Variants in MYH13 observed in about 807,000 individuals in gnomAD.
MYH13 encodes the protein myosin heavy chain 13, also known as myosin-13.
In MYH13, 177 loss-of-function variants were observed where a neutral mutation model predicts 232.1. That is an observed-to-expected ratio of 0.76 (90% CI 0.67 to 0.86). MYH13 has a LOEUF of 0.86. MYH13 is among the 40% of genes least tolerant of loss of function. The pLI, the probability that MYH13 is intolerant of heterozygous loss-of-function variation, is 0.00. For missense variants in MYH13, 2,246 were observed against 2,405.9 expected (o/e 0.93, Z 1.39); for synonymous variants, 884 against 923.5 (o/e 0.96, Z 0.78).
At chr17:10,319,903 C>T (rs2074874) in intron 26 of MYH13, among the ~76,000 whole-genome samples, 118,207 of 152,204 alleles carry the variant, frequency 0.78, 46,057 homozygotes, top group East Asian at 0.84. Context: ...TTAGGGATGG[C>T]GATCAAAGCA....
intron 35 of MYH13, among the ~76,000 whole-genome samples, chr17:10,307,372 C>G (rs2142217885): frequency 6.6e-6 from 1 of 152,106 alleles, no homozygotes; most frequent in Non-Finnish European, 1.5e-5. Flanking sequence ...GATAGACATA[C>G]TATATGAAAT....
At chr17:10,310,181 C>A (rs1439298088) in intron 33 of MYH13, among the ~76,000 whole-genome samples, 2 of 151,742 alleles carry the variant, frequency 1.3e-5, no homozygotes, top group East Asian at 1.9e-4. Context: ...ACCTCCACCC[C>A]CTGGGTTCAA....
At chr17:10,310,674 G>A (rs550122208) in intron 33 of MYH13, among the ~76,000 whole-genome samples, 6 of 152,196 alleles carry the variant, frequency 3.9e-5, no homozygotes, top group South Asian at 2.1e-4. Flanking sequence ...GTGTCGGTTC[G>A]TATTTCCCTA....
intron 35 of MYH13, 110 bp downstream of exon 35, chr17:10,309,124 T>C (rs1906394518): frequency 1.7e-6 from 2 of 1,175,938 alleles, no homozygotes; most frequent in South Asian, 1.6e-5. Flanking sequence ...CGGGTGCTCC[T>C]TCCCACGGCG....
chr17:10,327,540 A>G (rs1907256936), intron 22 of MYH13, among the ~76,000 whole-genome samples: 1 of 152,112 alleles, frequency 6.6e-6, no homozygotes, highest in South Asian at 2.1e-4. Flanking sequence ...TTTTATTTTT[A>G]TTGATTTTTA....
rs556320995 is a variant in MYH13 at position 10,309,541 on chromosome 17, G to A, written c.4946C>T (p.Thr1649Met). 5.0e-6 allele frequency: 8 copies of A among 1,610,858 alleles called. No individual in the cohort carries two copies. The Admixed American group carries it at 6.7e-5, about 13-fold the overall frequency. Reference sequence around the variant, plus strand: ...GCTCACCTTGAGCTGGCCCTGGACCGTGCGCAGATGCTTCTGGGTCTCTGC... The same window carrying A: ...GCTCACCTTGAGCTGGCCCTGGACCATGCGCAGATGCTTCTGGGTCTCTGC... ...QMAETQKHLR[T>M]VQGQLKDSQL... Residue 1649 changes from threonine to methionine, a missense_variant, in exon 34 of 41, where the codon ACG becomes ATG. Thr to Met is a moderately conservative substitution (Grantham distance 81). Transcript: ENST00000252172.
chr17:10,338,739 C>T (rs182134134), intron 18 of MYH13, among the ~76,000 whole-genome samples: 7 of 141,488 alleles, frequency 4.9e-5, no homozygotes, highest in East Asian at 4.2e-4. Flanking sequence ...TTCGCTCTGT[C>T]GCCCAGGCTG....
chr17:10,312,201 G>C (rs769602622), intron 31 of MYH13, 125 bp from the exon 32 acceptor site: 38 of 1,065,328 alleles, frequency 3.6e-5, no homozygotes, highest in Admixed American at 4.8e-5. Context: ...TGAAGAAGGA[G>C]GAGGAGCACT....
chr17:10,325,442 G>A (rs1348854472), intron 22 of MYH13, among the ~76,000 whole-genome samples: 1 of 152,176 alleles, frequency 6.6e-6, no homozygotes, highest in Non-Finnish European at 1.5e-5. Context: ...GCTTCTAAAA[G>A]TGTTGGGATT....
intron 13 of MYH13, 101 bp downstream of exon 13, chr17:10,346,579 A>G: frequency 1.1e-6 from 1 of 892,240 alleles, no homozygotes; most frequent in Non-Finnish European, 1.7e-6. Flanking sequence ...GTGAAAGCTG[A>G]TTTCATGTGC....
chr17:10,372,729 G>C (rs920599280), intron 1 of MYH13, among the ~76,000 whole-genome samples: 1 of 152,128 alleles, frequency 6.6e-6, no homozygotes, highest in Admixed American at 6.5e-5. Context: ...ACTCAGTTTT[G>C]TTCTGCAGGT....
intron 18 of MYH13, 54 bp downstream of exon 18, chr17:10,340,096 A>G: frequency 6.7e-7 from 1 of 1,492,266 alleles, no homozygotes. Context: ...TTTTGCATTT[A>G]TCTCAGGGCG....
chr17:10,353,789 C>T (rs1597387742), intron 11 of MYH13, among the ~76,000 whole-genome samples: 1 of 152,098 alleles, frequency 6.6e-6, no homozygotes, highest in Non-Finnish European at 1.5e-5. Flanking sequence ...AAGAGAATCT[C>T]TTGAACCCAG....
chr17:10,321,051 A>C (rs1003509770), intron 24 of MYH13, among the ~76,000 whole-genome samples: 7 of 152,166 alleles, frequency 4.6e-5, no homozygotes, highest in African/African-American at 1.7e-4. Context: ...AGTGAGTAAA[A>C]CCTGAAAACT....
intron 2 of MYH13, among the ~76,000 whole-genome samples, chr17:10,365,080 G>A (rs550659056): frequency 1.3e-5 from 2 of 152,150 alleles, no homozygotes; most frequent in African/African-American, 4.8e-5. Context: ...TAACCATGTT[G>A]GCCAGGCTGG....
At chr17:10,313,457 C>G in intron 29 of MYH13, 103 bp from the exon 30 acceptor site, 1 of 1,538,486 alleles carries the variant, frequency 6.5e-7, no homozygotes, top group Non-Finnish European at 8.8e-7. Context: ...TATCCCTATG[C>G]TGTCTTCACC....
At chr17:10,345,907 C>T (rs575123472) in intron 13 of MYH13, among the ~76,000 whole-genome samples, 75 of 138,556 alleles carry the variant, frequency 5.4e-4, no homozygotes, top group South Asian at 3.1e-3. Flanking sequence ...GCAGGAGAAT[C>T]ACTTGAACTT....
At chr17:10,334,928 C>T (rs981960302) in intron 18 of MYH13, among the ~76,000 whole-genome samples, 4 of 151,488 alleles carry the variant, frequency 2.6e-5, no homozygotes, top group African/African-American at 4.9e-5. Context: ...TTCATAGAAC[C>T]GCCGATGTGG....
At position 10,309,776 on chromosome 17, in the gene MYH13, G is replaced by A; in HGVS notation, c.4711C>T (p.Gln1571Ter). ...TTGCGGTCTAGCTCGGATTTCACCT[G>A]GCTCAGCTCTAGCTGCACGCGCAAG... ...KILRVQLELS[Q>*]VKSELDRKVI... is the part of the protein sequence containing the mutation. The change falls in exon 34 of 41, where the codon CAG becomes TAG. Residue 1571 changes from glutamine (Q) to a stop codon, truncating the protein, a stop_gained. Transcript: ENST00000252172. LOFTEE classifies it high-confidence loss of function. The A allele has an allele frequency of 6.2e-7, 1 of 1,600,206 alleles. No individual in the cohort carries two copies. The highest frequency in any genetic ancestry group is 8.5e-7 in the Non-Finnish European group (1 of 1,173,226).
Sources: allele counts gnomAD v4.1 joint callset (sites outside exome capture counted in the v4.1 genomes callset), GRCh38; gene constraint gnomAD v4.1.1; transcripts MANE v1.5; gene names NCBI Gene and HGNC (gene_info 2026-07-23, HGNC 2026-07-21).